AGO2: variants seen among roughly 807,000 people sequenced by gnomAD.
AGO2 encodes the protein argonaute RISC catalytic component 2.
In AGO2, 5 loss-of-function variants were observed where a neutral mutation model predicts 102.3. That is an observed-to-expected ratio of 0.05 (90% CI 0.03 to 0.10). AGO2 has a LOEUF of 0.10. Ranked by LOEUF, AGO2 falls within the 10% of genes least tolerant of loss-of-function variation. AGO2 has a pLI of 1.00. For synonymous variants in AGO2, 449 were observed against 473.1 expected (o/e 0.95, Z 0.66); for missense variants, 541 against 1,183.7 (o/e 0.46, Z 7.97).
In AGO2 at chr8:140,614,875, G is replaced by A. The variant is rs76522234; in HGVS notation, c.22+20610C>T. Among the ~76,000 whole-genome samples, 308 of 152,310 alleles carry A rather than the reference G, an allele frequency of 2.0e-3. 3 individuals carry two copies. The highest frequency in any genetic ancestry group is 7.0e-3 in the African/African-American group (293 of 41,564). On this transcript the variant is annotated intron_variant, in intron 1 of 18. Transcript: ENST00000220592. ...GGTAACTGCTGCTGCTGCTGTTACT[G>A]AAGTCATGAGAACTCACTCTAACCG...
chr8:140,605,256 G>A (rs1432871750), intron 1 of AGO2, among the ~76,000 whole-genome samples: 3 of 152,040 alleles, frequency 2.0e-5, no homozygotes, highest in Admixed American at 6.6e-5. Flanking sequence ...CACCATGCCC[G>A]GCTAATTTTT....
At chr8:140,549,744 G>T (rs1335003960) in intron 11 of AGO2, among the ~76,000 whole-genome samples, 1 of 152,210 alleles carries the variant, frequency 6.6e-6, no homozygotes, top group Non-Finnish European at 1.5e-5. Context: ...TGTCCTTTTG[G>T]ATCTTTTCCC....
At chr8:140,558,874 T>C (rs769772343) in intron 6 of AGO2, among the ~76,000 whole-genome samples, 1 of 152,162 alleles carries the variant, frequency 6.6e-6, no homozygotes, top group Admixed American at 6.5e-5. Flanking sequence ...TGGATGGCCC[T>C]GCAAATGGCC....
intron 2 of AGO2, among the ~76,000 whole-genome samples, chr8:140,579,216 CTG>C (rs2073513311): frequency 6.6e-6 from 1 of 151,092 alleles, no homozygotes; most frequent in Non-Finnish European, 1.5e-5. Context: ...GAGGGAGACA[CTG>C]TTTCAAAAAG....
intron 2 of AGO2, among the ~76,000 whole-genome samples, chr8:140,576,731 A>G (rs1361065397): frequency 6.6e-6 from 1 of 152,238 alleles, no homozygotes; most frequent in Non-Finnish European, 1.5e-5. Context: ...AACTTCTGAC[A>G]CAAGAAAAAT....
chr8:140,526,049 T>C lies in AGO2; in HGVS notation c.*5995A>G, dbSNP rs1301236470. 1.3e-5 allele frequency: 2 copies of C among 152,192 alleles called. No homozygotes were observed. Among genetic ancestry groups the C allele is most frequent in the African/African-American group, 4.8e-5 (2 of 41,450 alleles). The allele number at this position is 152,192 out of a possible 1,614,324, so 9.4% of individuals were successfully genotyped here. A position where few individuals can be genotyped will look rare whatever the true frequency, so the allele number is the denominator to read the frequency against. ...CTTTGCTTTCAACCCTTAGTTTGTTTTGCAGTAGGGAGTGAGAGTAACCCG... is the reference window on the plus strand; with the variant it reads ...CTTTGCTTTCAACCCTTAGTTTGTTCTGCAGTAGGGAGTGAGAGTAACCCG... On this transcript the variant is annotated 3_prime_UTR_variant, in exon 19 of 19. Coordinates refer to ENST00000220592, the MANE Select transcript of AGO2 (RefSeq NM_012154.5). This position sits in a 1 kb window ranked among gnomAD's most constrained non-coding sequence, Gnocchi z 5.2.
chr8:140,571,657 T>C lies in AGO2; in HGVS notation c.336+1155A>G, dbSNP rs538118995. Reference sequence around the variant, plus strand: ...CAGGGTTTAAAAAGCAAACTGTGTATGTTGTTCCCAGAGGGAATCAGCCTT... The same window carrying C: ...CAGGGTTTAAAAAGCAAACTGTGTACGTTGTTCCCAGAGGGAATCAGCCTT... On this transcript the variant is annotated intron_variant, in intron 3 of 18. Coordinates refer to ENST00000220592, the MANE Select transcript of AGO2 (RefSeq NM_012154.5). 5.9e-5 allele frequency among the ~76,000 whole-genome samples: 9 copies of C among 152,260 alleles called. No homozygotes were observed. The East Asian group carries it at 1.5e-3, about 26-fold the overall frequency.
At chr8:140,574,555 T>C (rs2132982268) in intron 2 of AGO2, among the ~76,000 whole-genome samples, 1 of 152,262 alleles carries the variant, frequency 6.6e-6, no homozygotes, top group East Asian at 1.9e-4. Flanking sequence ...TGAGTCACTG[T>C]GCCCAGCTCA....
chr8:140,549,478 C>G (rs1460125755), intron 11 of AGO2, among the ~76,000 whole-genome samples, 180 bp from the exon 12 acceptor site: 1 of 152,274 alleles, frequency 6.6e-6, no homozygotes, highest in Non-Finnish European at 1.5e-5. Context: ...CTAACACATA[C>G]TAACTCATGA....
At chr8:140,608,531 G>A (rs925133490) in intron 1 of AGO2, among the ~76,000 whole-genome samples, 3 of 152,374 alleles carry the variant, frequency 2.0e-5, no homozygotes, top group Admixed American at 6.5e-5. Flanking sequence ...GCAGGCAGGC[G>A]TCAAGCAAGC....
intron 1 of AGO2, among the ~76,000 whole-genome samples, chr8:140,634,557 T>C (rs1476892305): frequency 6.6e-6 from 1 of 152,226 alleles, no homozygotes; most frequent in Admixed American, 6.5e-5. Context: ...CTGACCGTTT[T>C]TTTGGCCCAC....
chr8:140,583,951 C>CT (rs1369117370), intron 2 of AGO2, among the ~76,000 whole-genome samples: 13 of 152,098 alleles, frequency 8.5e-5, no homozygotes, highest in African/African-American at 3.1e-4. Flanking sequence ...ATTTCAGCTC[C>CT]CTTACAATCT....
intron 2 of AGO2, among the ~76,000 whole-genome samples, chr8:140,584,219 A>G (rs778888609): frequency 1.3e-5 from 2 of 152,146 alleles, no homozygotes; most frequent in Non-Finnish European, 2.9e-5. Flanking sequence ...TGAAAATAAT[A>G]TATAAACACA....
At chr8:140,580,179 C>T (rs533630091) in intron 2 of AGO2, among the ~76,000 whole-genome samples, 2 of 152,250 alleles carry the variant, frequency 1.3e-5, no homozygotes, top group Non-Finnish European at 2.9e-5. Context: ...GTACGGGACG[C>T]TCCTGGGAGG....
At chr8:140,536,515 CG>C (rs1444528468) in intron 16 of AGO2, among the ~76,000 whole-genome samples, 1 of 151,862 alleles carries the variant, frequency 6.6e-6, no homozygotes, top group Non-Finnish European at 1.5e-5. Flanking sequence ...TTAGTAGAGA[CG>C]GGGTTTCACT....
chr8:140,597,478 C>T (rs1180147604), intron 1 of AGO2, among the ~76,000 whole-genome samples: 1 of 142,198 alleles, frequency 7.0e-6, no homozygotes, highest in African/African-American at 2.7e-5. Context: ...CCCCCCACCC[C>T]CCCCCCCCCG....
intron 3 of AGO2, among the ~76,000 whole-genome samples, chr8:140,566,095 T>G (rs566895852): frequency 3.3e-5 from 5 of 152,160 alleles, no homozygotes; most frequent in Non-Finnish European, 5.9e-5. Context: ...GCCTGTTATG[T>G]TTGGCTATGT....
intron 6 of AGO2, 87 bp downstream of exon 6, chr8:140,559,308 G>T: frequency 6.5e-7 from 1 of 1,529,776 alleles, no homozygotes; most frequent in South Asian, 1.2e-5. Flanking sequence ...ATGCGCACAA[G>T]AACCAGAACT....
rs941819073 is a variant in AGO2, at chr8:140,527,875, G to A, written c.*4169C>T. The A allele has an allele frequency of 2.6e-5, 4 of 152,152 alleles. No homozygotes were observed. The highest frequency in any genetic ancestry group is 7.2e-5 in the African/African-American group (3 of 41,444). 9.4% of individuals were successfully genotyped at this position (152,152 alleles called of 1,614,324 possible). A position where few individuals can be genotyped will look rare whatever the true frequency, so the allele number is the denominator to read the frequency against. ...GGAACTGCCTTATGTGTAGGAAAAT[G>A]CCCATGAAAAATCCTTTTAACTGTC... On this transcript the variant is annotated 3_prime_UTR_variant, in exon 19 of 19. Coordinates refer to ENST00000220592, the MANE Select transcript of AGO2 (RefSeq NM_012154.5). This position sits in a 1 kb window ranked among gnomAD's most constrained non-coding sequence, Gnocchi z 6.0.
Sources: gnomAD v4.1 joint callset for allele counts (sites outside exome capture counted in the v4.1 genomes callset) on GRCh38, gnomAD v4.1.1 for gene constraint, Gnocchi (gnomAD v3.1) non-coding constraint, MANE v1.5 for transcripts, NCBI Gene and HGNC (gene_info 2026-07-23, HGNC 2026-07-21) for gene names.